Variants in ZNF609 observed in about 807,000 individuals in gnomAD.
The protein encoded by ZNF609 is zinc finger protein 609.
ZNF609 carries 11 observed loss-of-function variants against 109.5 expected under a neutral mutation model. The ratio of observed to expected loss-of-function variants is 0.10; its 90% CI spans 0.06 to 0.17. The LOEUF is 0.17. Ranked by LOEUF, ZNF609 falls within the 10% of genes least tolerant of loss-of-function variation. The pLI is 1.00. For missense variants in ZNF609, 1,559 were observed against 1,772.4 expected, an observed-to-expected ratio of 0.88 and a Z score of 2.16; for synonymous variants, 646 against 662.0, an observed-to-expected ratio of 0.98 and a Z score of 0.37.
chr15:64,683,144 T>C lies in ZNF609; in HGVS notation c.*1458T>C, dbSNP rs2083220857. 6.6e-6 allele frequency: 1 copy of C among 152,634 alleles called. No individual in the cohort carries two copies. Among genetic ancestry groups the C allele is most frequent in the African/African-American group, 2.4e-5 (1 of 41,436 alleles). 9.5% of individuals were successfully genotyped at this position (152,634 alleles called of 1,614,324 possible). On this transcript the variant is annotated 3_prime_UTR_variant, in exon 10 of 10. Transcript: ENST00000326648. The stretch of plus-strand genomic sequence containing the variant: ...CCAAGGTGTGGGGAGCTTAGCTTAC[T>C]TGGCTTTTGAGGTATCATCCCTCTG...
At chr15:64,649,202 A>G (rs1380899657) in intron 3 of ZNF609, among the ~76,000 whole-genome samples, 3 of 152,180 alleles carry the variant, frequency 2.0e-5, no homozygotes, top group Admixed American at 6.5e-5. Flanking sequence ...GATAGGACTC[A>G]ATTTAGTCAT....
intron 2 of ZNF609, among the ~76,000 whole-genome samples, chr15:64,570,974 C>T (rs960676012): frequency 1.3e-5 from 2 of 152,124 alleles, no homozygotes; most frequent in African/African-American, 4.8e-5. Context: ...TGCAGTGAGC[C>T]GGGATCATGC....
intron 2 of ZNF609, among the ~76,000 whole-genome samples, chr15:64,553,515 A>C (rs1055388593): frequency 2.6e-5 from 4 of 151,674 alleles, no homozygotes; most frequent in African/African-American, 9.7e-5. Flanking sequence ...TGGTATTTTT[A>C]AAATTCAGTT....
chr15:64,577,922 AGGTG>A (rs1045784273), intron 2 of ZNF609, among the ~76,000 whole-genome samples: 3 of 151,834 alleles, frequency 2.0e-5, no homozygotes, highest in African/African-American at 7.3e-5. Context: ...TAGGAGGTCA[AGGTG>A]GGAGGATTGC....
intron 2 of ZNF609, among the ~76,000 whole-genome samples, chr15:64,552,031 T>C (rs947271517): frequency 1.3e-5 from 2 of 151,980 alleles, no homozygotes; most frequent in African/African-American, 2.4e-5. Flanking sequence ...TTGAGTTGTT[T>C]GTTTTCTTAT....
chr15:64,522,716 A>G (rs1039429659), intron 2 of ZNF609, among the ~76,000 whole-genome samples: 1 of 152,226 alleles, frequency 6.6e-6, no homozygotes, highest in Admixed American at 6.5e-5. Context: ...GTCAGTTAAC[A>G]TAATTTGCTT....
rs2083231328 is a variant in ZNF609 at position 64,684,758 on chromosome 15, C to G, written c.*3072C>G. 6.6e-6 allele frequency: 1 copy of G among 152,666 alleles called. No individual in the cohort carries two copies. Among genetic ancestry groups the G allele is most frequent in the Non-Finnish European group, 1.5e-5 (1 of 68,046 alleles). The allele number at this position is 152,666 out of a possible 1,614,324, so 9.5% of individuals were successfully genotyped here. A position where few individuals can be genotyped will look rare whatever the true frequency, so the allele number is the denominator to read the frequency against. On this transcript the variant is annotated 3_prime_UTR_variant, in exon 10 of 10. Transcript: ENST00000326648. ...TATTTCATACAGGCTTTGAGGCCAC[C>G]CATGTCACTTATCCCGTATACCCTC...
chr15:64,536,389 C>T (rs1029506289), intron 2 of ZNF609, among the ~76,000 whole-genome samples: 3 of 152,130 alleles, frequency 2.0e-5, no homozygotes, highest in Non-Finnish European at 4.4e-5. Flanking sequence ...TTTTCTGAGC[C>T]TGATTCTCCA....
intron 2 of ZNF609, among the ~76,000 whole-genome samples, chr15:64,578,785 G>C (rs1895045109): frequency 6.6e-6 from 1 of 152,198 alleles, no homozygotes; most frequent in Non-Finnish European, 1.5e-5. Flanking sequence ...GATTGCGTGA[G>C]CTCAGGAGTT....
At chr15:64,564,337 A>G (rs1424917833) in intron 2 of ZNF609, among the ~76,000 whole-genome samples, 2 of 152,082 alleles carry the variant, frequency 1.3e-5, no homozygotes, top group Non-Finnish European at 2.9e-5. Context: ...ATGGCTCAGA[A>G]GGGAGAGCTG....
At chr15:64,528,478 C>T (rs1894005403) in intron 2 of ZNF609, among the ~76,000 whole-genome samples, 2 of 151,250 alleles carry the variant, frequency 1.3e-5, no homozygotes, top group Non-Finnish European at 2.9e-5. Flanking sequence ...TGGCTGAGCA[C>T]AAGGCACTTT....
chr15:64,548,943 C>T (rs759641469), intron 2 of ZNF609, among the ~76,000 whole-genome samples: 1 of 152,086 alleles, frequency 6.6e-6, no homozygotes, highest in Non-Finnish European at 1.5e-5. Flanking sequence ...AGTGGTAATG[C>T]TGGTGCAAAG....
chr15:64,656,521 T>C lies in ZNF609; in HGVS notation c.974-13825T>C, dbSNP rs554043228. ...CTTCACTTGTGGTTTGGTCTCACTCTTCTTCATGTGTGTCATGCTTATCCC... is the reference window on the plus strand; with the variant it reads ...CTTCACTTGTGGTTTGGTCTCACTCCTCTTCATGTGTGTCATGCTTATCCC... On this transcript the variant is annotated intron_variant, in intron 3 of 9. Coordinates refer to ENST00000326648, the MANE Select transcript of ZNF609 (RefSeq NM_015042.2). Among the ~76,000 whole-genome samples, 4 of 152,342 alleles carry C rather than the reference T, an allele frequency of 2.6e-5. No homozygotes were observed. The East Asian group carries it at 7.7e-4, about 29-fold the overall frequency.
At chr15:64,650,724 G>A (rs1350474157) in intron 3 of ZNF609, among the ~76,000 whole-genome samples, 2 of 152,126 alleles carry the variant, frequency 1.3e-5, no homozygotes, top group Admixed American at 6.6e-5. Flanking sequence ...GGAGTTGGGG[G>A]TAGCTAGAGG....
intron 3 of ZNF609, among the ~76,000 whole-genome samples, chr15:64,665,943 A>C (rs1276015236): frequency 6.7e-6 from 1 of 149,774 alleles, no homozygotes; most frequent in Non-Finnish European, 1.5e-5. Context: ...AAATTAAAAA[A>C]TAAATAAACA....
rs775522101 is a variant in ZNF609, at chr15:64,623,810, A to G, written c.973+758A>G. Among the ~76,000 whole-genome samples, 129 of 152,200 alleles carry G rather than the reference A, an allele frequency of 8.5e-4. 1 individual carries two copies. The highest frequency in any genetic ancestry group is 1.2e-3 in the Non-Finnish European group (85 of 68,046). ...GATCTTTTGGTAACATCTGGTGGCA[A>G]TTTGATTTTTGCATATTCTTTTTCT... On this transcript the variant is annotated intron_variant, in intron 3 of 9. Transcript: ENST00000326648.
chr15:64,571,575 TA>T (rs1440805927), intron 2 of ZNF609, among the ~76,000 whole-genome samples: 1 of 152,210 alleles, frequency 6.6e-6, no homozygotes, highest in Non-Finnish European at 1.5e-5. Context: ...TAAGTACTAT[TA>T]TTATCCATTT....
intron 3 of ZNF609, among the ~76,000 whole-genome samples, chr15:64,658,551 C>T (rs1475681095): frequency 6.6e-6 from 1 of 151,446 alleles, no homozygotes; most frequent in African/African-American, 2.4e-5. Flanking sequence ...ATAATCCCAG[C>T]ACTTTGAAAG....
At chr15:64,489,332 C>T (rs1281992587) in intron 1 of ZNF609, among the ~76,000 whole-genome samples, 1 of 151,478 alleles carries the variant, frequency 6.6e-6, no homozygotes, top group Non-Finnish European at 1.5e-5. Flanking sequence ...ATTACAGGCA[C>T]CTGCCACCGC....
Sources: gnomAD v4.1 joint callset for allele counts (sites outside exome capture counted in the v4.1 genomes callset) on GRCh38, gnomAD v4.1.1 for gene constraint, MANE v1.5 for transcripts, NCBI Gene and HGNC (gene_info 2026-07-23, HGNC 2026-07-21) for gene names.